SOX5: variants seen among roughly 807,000 people sequenced by gnomAD.
SOX5 encodes the protein transcription factor SOX-5.
SOX5 carries 9 observed loss-of-function variants against 92.0 expected under a neutral mutation model. The ratio of observed to expected loss-of-function variants is 0.10; its 90% confidence interval spans 0.06 to 0.17. SOX5 has a LOEUF of 0.17. Ranked by LOEUF, SOX5 falls within the 10% of genes least tolerant of loss-of-function variation. SOX5 has a pLI of 1.00. For missense variants in SOX5, 642 were observed against 944.5 expected (o/e 0.68, Z 4.20); for synonymous variants, 344 against 336.3 (o/e 1.02, Z -0.25).
chr12:23,893,945 T>C (rs1335953024), intron 2 of SOX5, among the ~76,000 whole-genome samples: 2 of 152,152 alleles, frequency 1.3e-5, no homozygotes, highest in East Asian at 3.9e-4. Context: ...AATCAGAATA[T>C]GAAATATGCC....
intron 4 of SOX5, among the ~76,000 whole-genome samples, chr12:24,068,724 A>G (rs1217350861): frequency 0.037 from 3,221 of 86,016 alleles, 74 homozygotes; most frequent in Non-Finnish European, 0.054. Flanking sequence ...ATATATATAT[A>G]TATATATATA....
chr12:23,671,056 C>T (rs1400590879), intron 6 of SOX5, among the ~76,000 whole-genome samples: 1 of 152,040 alleles, frequency 6.6e-6, no homozygotes, highest in African/African-American at 2.4e-5. Flanking sequence ...GGCTTAAAAA[C>T]AGGGTGAGAG....
intron 3 of SOX5, among the ~76,000 whole-genome samples, chr12:23,816,404 G>T (rs886270135): frequency 6.6e-6 from 1 of 151,786 alleles, no homozygotes; most frequent in Non-Finnish European, 1.5e-5. Flanking sequence ...TAGAGATGGC[G>T]TTTCACTATG....
At chr12:24,297,244 G>T (rs1947373734) in intron 2 of SOX5, among the ~76,000 whole-genome samples, 1 of 152,192 alleles carries the variant, frequency 6.6e-6, no homozygotes, top group African/African-American at 2.4e-5. Context: ...CTTATCTAAT[G>T]TAATGTACAT....
intron 10 of SOX5, among the ~76,000 whole-genome samples, chr12:23,571,780 C>T (rs1011022019): frequency 2.6e-5 from 4 of 152,026 alleles, no homozygotes; most frequent in Non-Finnish European, 5.9e-5. Flanking sequence ...TACTTCAAAT[C>T]CCTAGGTAGA....
At chr12:23,952,795 G>A (rs1945825987), upstream of SOX5, among the ~76,000 whole-genome samples, 2 of 152,062 alleles carry the variant, frequency 1.3e-5, no homozygotes, top group Admixed American at 1.3e-4. Context: ...AGTAGAAAGG[G>A]GTAGGTATGT....
intron 4 of SOX5, among the ~76,000 whole-genome samples, chr12:23,976,434 G>C (rs1053350156): frequency 6.2e-5 from 9 of 144,366 alleles, no homozygotes; most frequent in African/African-American, 2.3e-4. Flanking sequence ...AGAAGAGAAG[G>C]AAGGTAAACA....
intron 8 of SOX5, among the ~76,000 whole-genome samples, chr12:23,638,887 CAA>C (rs57608068): frequency 3.0e-4 from 36 of 119,718 alleles, no homozygotes; most frequent in African/African-American, 3.7e-4. Flanking sequence ...TTTCTCACTG[CAA>C]AAAAAAAAAA....
At chr12:23,769,812 A>G (rs2094863819) in intron 3 of SOX5, among the ~76,000 whole-genome samples, 1 of 152,110 alleles carries the variant, frequency 6.6e-6, no homozygotes, top group African/African-American at 2.4e-5. Flanking sequence ...CAATGCTAAG[A>G]GGTCTCTATT....
chr12:23,954,895 T>G (rs1227527358), upstream of SOX5, among the ~76,000 whole-genome samples: 2 of 152,116 alleles, frequency 1.3e-5, no homozygotes, highest in Non-Finnish European at 2.9e-5. Context: ...CACTGTTTGA[T>G]CTTAGGATTT....
intron 1 of SOX5, among the ~76,000 whole-genome samples, chr12:24,421,934 C>A (rs1965975920): frequency 6.6e-6 from 1 of 152,184 alleles, no homozygotes; most frequent in African/African-American, 2.4e-5. Flanking sequence ...TTCATCAAAC[C>A]TGGACAAAGG....
intron 9 of SOX5, among the ~76,000 whole-genome samples, chr12:23,593,277 G>A (rs1951843116): frequency 6.6e-6 from 1 of 152,082 alleles, no homozygotes; most frequent in South Asian, 2.1e-4. Flanking sequence ...CACTGCATCT[G>A]TTGAAGACCT....
At chr12:24,051,327 C>A (rs1041175884) in intron 4 of SOX5, among the ~76,000 whole-genome samples, 3 of 152,028 alleles carry the variant, frequency 2.0e-5, no homozygotes, top group African/African-American at 7.2e-5. Context: ...TAACATAATT[C>A]TGTTACCAAG....
intron 1 of SOX5, among the ~76,000 whole-genome samples, chr12:24,445,645 C>T (rs1232739895): frequency 1.3e-5 from 2 of 152,182 alleles, no homozygotes; most frequent in African/African-American, 2.4e-5. Flanking sequence ...TAGGCAAGAT[C>T]ATGAAATGTG....
chr12:23,901,100 A>C (rs926804149), intron 1 of SOX5, among the ~76,000 whole-genome samples: 2 of 152,212 alleles, frequency 1.3e-5, no homozygotes, highest in African/African-American at 4.8e-5. Flanking sequence ...AAATGGGGAG[A>C]TTATTCTGAA....
intron 3 of SOX5, among the ~76,000 whole-genome samples, chr12:24,243,033 T>C (rs1937788141): frequency 6.6e-6 from 1 of 152,144 alleles, no homozygotes. Context: ...AGCAAGAGGA[T>C]ATTAAACAAA....
chr12:24,274,307 T>C (rs1334821868), intron 3 of SOX5, among the ~76,000 whole-genome samples: 1 of 152,194 alleles, frequency 6.6e-6, no homozygotes, highest in African/African-American at 2.4e-5. Flanking sequence ...TTAGGGGCAT[T>C]GAGATTTAAA....
At chr12:23,813,401 G>A (rs1026704067) in intron 3 of SOX5, among the ~76,000 whole-genome samples, 1 of 151,928 alleles carries the variant, frequency 6.6e-6, no homozygotes, top group African/African-American at 2.4e-5. Context: ...GAAAGCTCAG[G>A]GACACCCAGA....
intron 4 of SOX5, among the ~76,000 whole-genome samples, chr12:24,121,748 C>T (rs541473405): frequency 2.7e-4 from 40 of 150,908 alleles, no homozygotes; most frequent in African/African-American, 6.6e-4. Context: ...CAGCCAGGCG[C>T]GGTGGTAGGC....
Sources: allele counts gnomAD v4.1 joint callset (sites outside exome capture counted in the v4.1 genomes callset), GRCh38; gene constraint gnomAD v4.1.1; transcripts MANE v1.5; gene names NCBI Gene and HGNC (gene_info 2026-07-23, HGNC 2026-07-21).